Variants in MTUS2 observed in about 807,000 individuals in gnomAD.
MTUS2 encodes the protein microtubule associated scaffold protein 2.
Under a neutral mutation model 114.1 loss-of-function variants are expected in MTUS2, and 40 were observed. The observed-to-expected ratio is 0.35, with a 90% confidence interval of 0.27 to 0.46. MTUS2 has a LOEUF of 0.46. Among genes scored for constraint, MTUS2 ranks in the 20% least tolerant of loss-of-function variants. MTUS2 has a pLI of 1.00. For missense variants in MTUS2, 1,679 were observed against 1,705.4 expected, an observed-to-expected ratio of 0.98 and a Z score of 0.27; for synonymous variants, 688 against 672.0, an observed-to-expected ratio of 1.02 and a Z score of -0.37.
chr13:28,994,773 T>C (rs941189743), intron 2 of MTUS2, among the ~76,000 whole-genome samples: 2 of 152,178 alleles, frequency 1.3e-5, no homozygotes, highest in African/African-American at 4.8e-5. Flanking sequence ...GTAAATTTGT[T>C]TGAGTTCATT....
chr13:29,280,275 A>T (rs189441810), intron 5 of MTUS2, among the ~76,000 whole-genome samples: 13 of 152,192 alleles, frequency 8.5e-5, no homozygotes, highest in Admixed American at 2.0e-4. Context: ...TGGAGTTTCA[A>T]TGCATTTATT....
chr13:29,368,329 G>A (rs1022813775), intron 8 of MTUS2, among the ~76,000 whole-genome samples: 3 of 151,930 alleles, frequency 2.0e-5, no homozygotes, highest in East Asian at 1.9e-4. Flanking sequence ...ATCCTCTCCA[G>A]GAAGTGCAAG....
intron 8 of MTUS2, among the ~76,000 whole-genome samples, chr13:29,385,088 C>T (rs995182665): frequency 1.3e-5 from 2 of 152,152 alleles, no homozygotes; most frequent in African/African-American, 4.8e-5. Flanking sequence ...GGAGCAAGAC[C>T]AACACAGGCT....
At chr13:28,878,494 G>A (rs1219024365) in intron 2 of MTUS2, among the ~76,000 whole-genome samples, 2 of 152,010 alleles carry the variant, frequency 1.3e-5, no homozygotes, top group Non-Finnish European at 2.9e-5. Flanking sequence ...TCCCACCACT[G>A]TACTTATAGG....
intron 5 of MTUS2, among the ~76,000 whole-genome samples, chr13:29,168,888 C>CTGTTTGTGTGTGTG (rs1893429634): frequency 1.4e-5 from 2 of 138,382 alleles, no homozygotes; most frequent in South Asian, 2.5e-4. Flanking sequence ...CTTTATGAAT[C>CTGTTTGTGTGTGTG]TGTGTGTGTG....
Position 29,123,627 on chromosome 13 carries a change from G to C in MTUS2, c.2644+22657G>C, listed in dbSNP as rs180895315. Among the ~76,000 whole-genome samples, 587 of 152,254 alleles carry C rather than the reference G, an allele frequency of 3.9e-3. 2 individuals carry two copies. The highest frequency in any genetic ancestry group is 6.4e-3 in the Non-Finnish European group (438 of 68,026). On this transcript the variant is annotated intron_variant, in intron 5 of 15. Transcript: ENST00000612955. ...TGCTACTCAGGAGGCTGAGGCAGGA[G>C]AATCGCTTACACCTGGGAGTGGAGG...
chr13:28,990,743 G>A (rs1222514513), intron 2 of MTUS2, among the ~76,000 whole-genome samples: 5 of 152,174 alleles, frequency 3.3e-5, no homozygotes, highest in East Asian at 1.9e-4. Context: ...AGCCAACAGC[G>A]GCAACCCACT....
At chr13:29,142,722 A>G (rs1892277180) in intron 5 of MTUS2, among the ~76,000 whole-genome samples, 1 of 152,152 alleles carries the variant, frequency 6.6e-6, no homozygotes, top group Non-Finnish European at 1.5e-5. Flanking sequence ...AACAAAAACA[A>G]AAAAAGAAGT....
At chr13:29,137,122 TA>T (rs1332155806) in intron 5 of MTUS2, among the ~76,000 whole-genome samples, 1 of 152,220 alleles carries the variant, frequency 6.6e-6, no homozygotes, top group Non-Finnish European at 1.5e-5. Context: ...GCTGCATCCT[TA>T]TAAGAACTCT....
intron 4 of MTUS2, among the ~76,000 whole-genome samples, chr13:29,039,920 G>A (rs1028474220): frequency 2.0e-5 from 3 of 152,116 alleles, no homozygotes; most frequent in African/African-American, 4.8e-5. Context: ...TGAATAGATT[G>A]TCTGTCTCTG....
intron 9 of MTUS2, among the ~76,000 whole-genome samples, chr13:29,444,353 C>T (rs894510408): frequency 2.0e-5 from 3 of 152,270 alleles, no homozygotes; most frequent in Non-Finnish European, 2.9e-5. Flanking sequence ...CGCTTGAACC[C>T]GGAAGGCGGA....
At position 28,820,560 on chromosome 13, in the gene MTUS2, G is replaced by C. The variant is rs1282409974; in HGVS notation, c.-367G>C. ...GGCCCGAGATGAGCGTCTCCGTGAG[G>C]GCAGTGGTGGCCTCTTGGACATTAC... On this transcript the variant is annotated 5_prime_UTR_variant, in exon 1 of 16. Transcript: ENST00000612955. The C allele has an allele frequency of 6.6e-6, 1 of 152,596 alleles. No homozygotes were observed. The highest frequency in any genetic ancestry group is 1.5e-5 in the Non-Finnish European group (1 of 68,370). The allele number at this position is 152,596 out of a possible 1,614,324, so 9.5% of individuals were successfully genotyped here.
In MTUS2 at chr13:29,001,791, A is replaced by G. The variant is rs552923767; in HGVS notation, c.-242-22666A>G. ...TATCCTGGATGATCTGAGTAGGTCC[A>G]ATGAAATCTCTAGGGTCCTTGTAAG... On this transcript the variant is annotated intron_variant, in intron 2 of 15. Coordinates refer to ENST00000612955, the MANE Select transcript of MTUS2 (RefSeq NM_001033602.4). Among the ~76,000 whole-genome samples the G allele has an allele frequency of 3.0e-4, 45 of 152,334 alleles. 1 individual carries two copies. In the South Asian group the frequency reaches 3.7e-3, roughly 13 times the overall value.
chr13:29,286,626 T>G (rs1457127464), intron 6 of MTUS2, among the ~76,000 whole-genome samples: 1 of 146,292 alleles, frequency 6.8e-6, no homozygotes, highest in African/African-American at 2.6e-5. Context: ...CATGAGGGAT[T>G]TCTGAAAGCC....
At chr13:29,464,626 C>T (rs7986329) in intron 9 of MTUS2, among the ~76,000 whole-genome samples, 3,793 of 152,256 alleles carry the variant, frequency 0.025, 151 homozygotes, top group African/African-American at 0.086. Context: ...AGGGCAGCAG[C>T]GTTACTATAC....
chr13:29,417,285 T>C (rs896363978), intron 8 of MTUS2, among the ~76,000 whole-genome samples: 1 of 152,216 alleles, frequency 6.6e-6, no homozygotes, highest in Non-Finnish European at 1.5e-5. Flanking sequence ...TCAAGCCATT[T>C]ATGAGAGATT....
chr13:28,921,919 G>A (rs1168121972), intron 2 of MTUS2, among the ~76,000 whole-genome samples: 1 of 152,186 alleles, frequency 6.6e-6, no homozygotes, highest in Admixed American at 6.5e-5. Context: ...GGGAGAGGTG[G>A]CACAAGCACA....
Position 29,440,154 on chromosome 13 carries a change from C to A in MTUS2, c.3184+105C>A. On this transcript the variant is annotated intron_variant, in intron 9 of 15. Coordinates refer to ENST00000612955, the MANE Select transcript of MTUS2 (RefSeq NM_001033602.4). ...CCTCCTGTAATAAGCCAGTGCAAAC[C>A]TGCCTAGATGAATGAAGTATCTCAC... The A allele has an allele frequency of 6.4e-6, 7 of 1,095,078 alleles. No individual in the cohort carries two copies. In the South Asian group the frequency reaches 9.8e-5, roughly 15 times the overall value. 67.8% of individuals were successfully genotyped at this position (1,095,078 alleles called of 1,614,324 possible).
At chr13:28,992,079 G>T (rs187267119) in intron 2 of MTUS2, among the ~76,000 whole-genome samples, 1 of 152,130 alleles carries the variant, frequency 6.6e-6, no homozygotes, top group Non-Finnish European at 1.5e-5. Flanking sequence ...TACTTTGGGG[G>T]ACTCTCTCAA....
Sources: gnomAD v4.1 joint callset for allele counts (sites outside exome capture counted in the v4.1 genomes callset) on GRCh38, gnomAD v4.1.1 for gene constraint, MANE v1.5 for transcripts, NCBI Gene and HGNC (gene_info 2026-07-23, HGNC 2026-07-21) for gene names.